NUCB1: variants seen among roughly 807,000 people sequenced by gnomAD.
The protein encoded by NUCB1 is nucleobindin 1.
A neutral mutation model predicts 61.2 loss-of-function variants in NUCB1; 47 were observed. The observed-to-expected ratio is 0.77, with a 90% CI of 0.61 to 0.98. NUCB1 has a LOEUF of 0.98. NUCB1 is among the 50% of genes least tolerant of loss of function. NUCB1 has a pLI of 0.00. For missense variants in NUCB1, 583 were observed against 605.3 expected (o/e 0.96, Z 0.39); for synonymous variants, 234 against 243.1 (o/e 0.96, Z 0.35).
chr19:48,920,509 T>C (rs2122210978), intron 10 of NUCB1, among the ~76,000 whole-genome samples: 1 of 151,364 alleles, frequency 6.6e-6, no homozygotes, highest in Non-Finnish European at 1.5e-5. Flanking sequence ...GTCTCTGTTT[T>C]ATTTATTTAT....
intron 10 of NUCB1, among the ~76,000 whole-genome samples, chr19:48,919,587 C>T (rs1044001927): frequency 1.1e-4 from 16 of 151,632 alleles, no homozygotes; most frequent in Non-Finnish European, 1.8e-4. Context: ...AAGCAATTCT[C>T]CTGGCTCATC....
At chr19:48,904,743 C>T (rs2037394338) in intron 3 of NUCB1, among the ~76,000 whole-genome samples, 1 of 151,932 alleles carries the variant, frequency 6.6e-6, no homozygotes, top group Admixed American at 6.6e-5. Context: ...AGGCTGGTCT[C>T]GAACTCCTGA....
At chr19:48,914,908 C>T (rs1488828073) in intron 7 of NUCB1, among the ~76,000 whole-genome samples, 8 of 151,758 alleles carry the variant, frequency 5.3e-5, no homozygotes, top group Admixed American at 5.3e-4. Context: ...TGGTGAAACC[C>T]CATCTCCACA....
intron 7 of NUCB1, among the ~76,000 whole-genome samples, chr19:48,915,566 G>A (rs764951744): frequency 6.6e-6 from 1 of 152,034 alleles, no homozygotes; most frequent in South Asian, 2.1e-4. Context: ...AGGTAGTGAC[G>A]TGTACTACCT....
At position 48,913,585 on chromosome 19, in the gene NUCB1, C is replaced by T. The variant is rs1469103333; in HGVS notation, c.757+21C>T. ...GCATGGTAAGGTGGGGAGGGAGTTC[C>T]AGAGCCAGGATGAACCCTAGATTCT... is the stretch of plus-strand genomic sequence containing the variant. On this transcript the variant is annotated intron_variant, in intron 7 of 12. Coordinates refer to ENST00000405315, the MANE Select transcript of NUCB1 (RefSeq NM_006184.6). The T allele has an allele frequency of 3.8e-6, 6 of 1,593,894 alleles. No homozygotes were observed. The Admixed American group carries it at 1.0e-4, about 27-fold the overall frequency.
rs780012048 is a variant in NUCB1 at position 48,919,045 on chromosome 19, G to C, written c.832G>C (p.Asp278His). 6 of 1,613,968 alleles carry C rather than the reference G, an allele frequency of 3.7e-6. No individual in the cohort carries two copies. In the South Asian group the frequency reaches 4.4e-5, roughly 12 times the overall value. Reference sequence around the variant, plus strand: ...GCTCCTGCAGCTGGAGAAAGTGTACGACCCAAAGAATGAGGAGGACGACAT... The same window carrying C: ...GCTCCTGCAGCTGGAGAAAGTGTACCACCCAAAGAATGAGGAGGACGACAT... Reference protein sequence around the residue: ...LFTKELEKVYDPKNEEDDMRE... With the variant: ...LFTKELEKVYHPKNEEDDMRE... The change falls in exon 9 of 13, where the codon GAC (aspartate) becomes CAC (histidine). Residue 278 changes from aspartate (D) to histidine (H), a missense_variant. Asp to His is a moderately conservative substitution (Grantham distance 81). Coordinates refer to ENST00000405315, the MANE Select transcript of NUCB1 (RefSeq NM_006184.6).
In NUCB1 at chr19:48,923,236, G is replaced by A. The variant is rs1192344729; in HGVS notation, c.*812G>A. On this transcript the variant is annotated 3_prime_UTR_variant, in exon 13 of 13. Coordinates refer to ENST00000405315, the MANE Select transcript of NUCB1 (RefSeq NM_006184.6). ...CATCCTGCTGTGTGTCCTGTTCCAT[G>A]TTCCGGTTCCATCCAAATACACTTT... is the stretch of plus-strand genomic sequence containing the variant. 6.6e-6 allele frequency: 1 copy of A among 152,374 alleles called. No individual in the cohort carries two copies. Among genetic ancestry groups the A allele is most frequent in the Non-Finnish European group, 1.5e-5 (1 of 68,160 alleles). The allele number at this position is 152,374 out of a possible 1,614,324, so 9.4% of individuals were successfully genotyped here.
intron 12 of NUCB1, 87 bp from the exon 13 acceptor site, chr19:48,922,231 G>A (rs2037619121): frequency 9.1e-7 from 1 of 1,101,858 alleles, no homozygotes; most frequent in Non-Finnish European, 1.4e-6. Context: ...ACCCCTGGGT[G>A]TGAGGGAGGA....
At chr19:48,908,648 C>CGTGTGTGTGTGTGTGTGTGTGTGTGT (rs58211997) in intron 4 of NUCB1, among the ~76,000 whole-genome samples, 1 of 86,496 alleles carries the variant, frequency 1.2e-5, no homozygotes, top group Non-Finnish European at 2.1e-5. Flanking sequence ...TCTAGCTGCC[C>CGTGTGTGTGTGTGTGTGTGTGTGTGT]GTGTGTGTGT....
intron 5 of NUCB1, 45 bp downstream of exon 5, chr19:48,911,297 C>T (rs760546771): frequency 1.7e-5 from 23 of 1,381,454 alleles, no homozygotes; most frequent in African/African-American, 1.4e-4. Context: ...GGTAGCTTTG[C>T]GGAAGGGGAG....
intron 5 of NUCB1, among the ~76,000 whole-genome samples, chr19:48,912,545 G>A (rs1420704186): frequency 2.0e-5 from 3 of 151,988 alleles, no homozygotes; most frequent in Non-Finnish European, 4.4e-5. Flanking sequence ...ACCAAAAAGG[G>A]CGACATCAGG....
Position 48,911,046 on chromosome 19 carries a change from G to A in NUCB1, c.377-103G>A. 4 of 780,078 alleles carry A rather than the reference G, an allele frequency of 5.1e-6. No homozygotes were observed. In the South Asian group the frequency reaches 6.4e-5, roughly 12 times the overall value. The allele number at this position is 780,078 out of a possible 1,614,324, so 48.3% of individuals were successfully genotyped here. On this transcript the variant is annotated intron_variant, in intron 4 of 12. Coordinates refer to ENST00000405315, the MANE Select transcript of NUCB1 (RefSeq NM_006184.6). ...GCCCCAGGTTCAAGCTGTCTTCTGGGCTTCCCTAGTGCTGTCCGTGACTTC... is the reference window on the plus strand; with the variant it reads ...GCCCCAGGTTCAAGCTGTCTTCTGGACTTCCCTAGTGCTGTCCGTGACTTC...
In NUCB1 at chr19:48,911,165, T is replaced by C. The variant is rs1400081272; in HGVS notation, c.393T>C (p.His131=). The C allele has an allele frequency of 1.9e-6, 3 of 1,613,348 alleles. No homozygotes were observed. Among genetic ancestry groups the C allele is most frequent in the African/African-American group, 1.3e-5 (1 of 74,992 alleles). ...AEQDPNVQVD[H]LNLLKQFEHL... is the part of the protein sequence containing the mutation. ...CTCTTCCAGATGTACAGGTGGATCA[T>C]CTGAATCTCCTGAAACAGTTTGAAC... Residue 131 remains histidine (H), a synonymous_variant, in exon 5 of 13, where the codon CAT becomes CAC. Transcript: ENST00000405315.
chr19:48,900,861 G>A lies in NUCB1; in HGVS notation c.65G>A (p.Arg22His). 6.2e-7 allele frequency: 1 copy of A among 1,613,802 alleles called. No individual in the cohort carries two copies. Among genetic ancestry groups the A allele is most frequent in the Non-Finnish European group, 8.5e-7 (1 of 1,180,014 alleles). ...CCGCTGCTGCTGCTGCTCCTGCTTC[G>A]CGCCGTGCTGGCTGTCCCCCTGGAG... ...LLPLLLLLLL[R>H]AVLAVPLERG... Residue 22 changes from arginine to histidine, a missense_variant, in exon 2 of 13, where the codon CGC (arginine) becomes CAC (histidine). Arg to His is a conservative substitution (Grantham distance 29). Coordinates refer to ENST00000405315, the MANE Select transcript of NUCB1 (RefSeq NM_006184.6).
intron 4 of NUCB1, 102 bp downstream of exon 4, chr19:48,905,987 C>T: frequency 1.6e-6 from 2 of 1,246,136 alleles, no homozygotes; most frequent in Non-Finnish European, 1.1e-6. Flanking sequence ...TGAGGCCTCC[C>T]TCCCCGCTGC....
chr19:48,919,262 T>G lies in NUCB1; in HGVS notation c.978T>G (p.Phe326Leu), dbSNP rs759808103. Residue 326 changes from phenylalanine to leucine, a missense_variant, in exon 10 of 13, where the codon TTT becomes TTG. Transcript: ENST00000405315. ...EFLASTQRKEFGDTGEGWETV... is the reference protein window; with the variant it reads ...EFLASTQRKELGDTGEGWETV... ...TCGCATCCACTCAGAGGAAGGAGTT[T>G]GGGGACACCGGGGAGGGCTGGGAGG... 12 of 1,613,646 alleles carry G rather than the reference T, an allele frequency of 7.4e-6. No individual in the cohort carries two copies. Among genetic ancestry groups the G allele is most frequent in the Non-Finnish European group, 1.0e-5 (12 of 1,179,834 alleles).
chr19:48,919,666 C>T (rs1347162389), intron 10 of NUCB1, among the ~76,000 whole-genome samples: 3 of 151,328 alleles, frequency 2.0e-5, no homozygotes, highest in Non-Finnish European at 4.4e-5. Flanking sequence ...TTAGTAGAGG[C>T]AGGATTTCAC....
chr19:48,907,833 C>A (rs981923158), intron 4 of NUCB1, among the ~76,000 whole-genome samples: 9 of 152,082 alleles, frequency 5.9e-5, no homozygotes, highest in Non-Finnish European at 1.5e-5. Context: ...CCCAACCCTG[C>A]CCTTCCCGTA....
intron 7 of NUCB1, among the ~76,000 whole-genome samples, chr19:48,914,569 T>C (rs1017892914): frequency 6.6e-6 from 1 of 152,158 alleles, no homozygotes; most frequent in Admixed American, 6.6e-5. Context: ...TACCATACTT[T>C]AGTAACTCCA....
Sources: gnomAD v4.1 joint callset for allele counts (sites outside exome capture counted in the v4.1 genomes callset) on GRCh38, gnomAD v4.1.1 for gene constraint, MANE v1.5 for transcripts, NCBI Gene and HGNC (gene_info 2026-07-23, HGNC 2026-07-21) for gene names.